Variants in TFDP2 observed in about 807,000 individuals in gnomAD.
TFDP2 encodes the protein transcription factor Dp-2.
A neutral mutation model predicts 59.3 loss-of-function variants in TFDP2; 17 were observed. The ratio of observed to expected loss-of-function variants is 0.29; its 90% CI spans 0.20 to 0.43. The LOEUF (loss-of-function observed/expected upper bound fraction) is 0.43, where lower values mean the gene tolerates loss of function less well. TFDP2 is among the 20% of genes least tolerant of loss of function. TFDP2 has a pLI of 1.00. For synonymous variants in TFDP2, 180 were observed against 194.7 expected, an observed-to-expected ratio of 0.92 and a Z score of 0.63; for missense variants, 391 against 528.8, an observed-to-expected ratio of 0.74 and a Z score of 2.56.
rs564506920 is a variant in TFDP2, at chr3:142,043,664, TCTC to T, written c.83-38123_83-38121del. ...TCCTCCTTAGACAAAGTCTTGATGA[TCTC>T]CTCCTTCTTGGCCTGCAGGCGTTCT... On this transcript the variant is annotated intron_variant, in intron 3 of 12. Transcript: ENST00000489671. 301 of 992,808 alleles carry T rather than the reference TCTC, an allele frequency of 3.0e-4. 4 individuals carry two copies. In the South Asian group the frequency reaches 3.6e-3, roughly 12 times the overall value. 61.5% of individuals were successfully genotyped at this position (992,808 alleles called of 1,614,324 possible). A position where few individuals can be genotyped will look rare whatever the true frequency, so the allele number is the denominator to read the frequency against.
In TFDP2 at chr3:142,142,683, A is replaced by G. The variant is rs140034076; in HGVS notation, c.-93+6500T>C. ...CAAAAAGAACAAAACTGGAGGAATC[A>G]CATTACCTGACTTCAATTATACTAC... is the stretch of plus-strand genomic sequence containing the variant. On this transcript the variant is annotated intron_variant, in intron 1 of 12. Coordinates refer to ENST00000489671, the MANE Select transcript of TFDP2 (RefSeq NM_001178139.2). 3.2e-3 allele frequency among the ~76,000 whole-genome samples: 481 copies of G among 152,334 alleles called. 2 individuals carry two copies. The highest frequency in any genetic ancestry group is 0.011 in the African/African-American group (456 of 41,582).
At chr3:142,135,041 G>A (rs2062670366) in intron 1 of TFDP2, among the ~76,000 whole-genome samples, 1 of 152,022 alleles carries the variant, frequency 6.6e-6, no homozygotes, top group Non-Finnish European at 1.5e-5. Context: ...TCCAGACATG[G>A]TACTCCTGCT....
intron 9 of TFDP2, among the ~76,000 whole-genome samples, chr3:141,964,309 C>T (rs1455228380): frequency 6.6e-6 from 1 of 151,962 alleles, no homozygotes; most frequent in East Asian, 1.9e-4. Flanking sequence ...GATGTGTAGC[C>T]CAGGGATATG....
rs558948951 is a variant in TFDP2 at position 142,121,525 on chromosome 3, G to C, written c.-92-19684C>G. Among the ~76,000 whole-genome samples, 20 of 152,264 alleles carry C rather than the reference G, an allele frequency of 1.3e-4. No homozygotes were observed. Among genetic ancestry groups the C allele is most frequent in the African/African-American group, 4.8e-4 (20 of 41,562 alleles). On this transcript the variant is annotated intron_variant, in intron 1 of 12. Coordinates refer to ENST00000489671, the MANE Select transcript of TFDP2 (RefSeq NM_001178139.2). This position sits in a 1 kb window ranked among gnomAD's most constrained non-coding sequence, Gnocchi z 4.3. ...ATGAGATGAAAATGCCATCAAACTA[G>C]AAGAGTTAACACAGAAACCTAAGCA...
intron 3 of TFDP2, among the ~76,000 whole-genome samples, chr3:142,008,661 G>A (rs1944403536): frequency 6.6e-6 from 1 of 151,688 alleles, no homozygotes; most frequent in Non-Finnish European, 1.5e-5. Context: ...TATGTCCCCA[G>A]AGTGTTTCAG....
rs897348623 is a variant in TFDP2 at position 142,071,891 on chromosome 3, G to T, written c.82+21170C>A. 1.3e-5 allele frequency among the ~76,000 whole-genome samples: 2 copies of T among 152,120 alleles called. 1 individual carries two copies. The highest frequency in any genetic ancestry group is 4.1e-4 in the South Asian group (2 of 4,832). Reference sequence around the variant, plus strand: ...GTGCATTAAAGTTATTCAAATGAAGGTACCCAATAGGCTGTCGGATATACA... The same window carrying T: ...GTGCATTAAAGTTATTCAAATGAAGTTACCCAATAGGCTGTCGGATATACA... On this transcript the variant is annotated intron_variant, in intron 3 of 12. Transcript: ENST00000489671.
intron 3 of TFDP2, among the ~76,000 whole-genome samples, chr3:142,075,475 T>C (rs545333320): frequency 3.3e-4 from 51 of 152,308 alleles, no homozygotes; most frequent in Non-Finnish European, 6.6e-4. Context: ...TTTAGTATCC[T>C]GCGTAGAGCA....
intron 3 of TFDP2, among the ~76,000 whole-genome samples, chr3:142,072,167 A>G: frequency 6.6e-6 from 1 of 152,206 alleles, no homozygotes; most frequent in Non-Finnish European, 1.5e-5. Flanking sequence ...CAAGCACAGA[A>G]TGAATGCTTA....
intron 8 of TFDP2, among the ~76,000 whole-genome samples, chr3:141,971,771 T>C (rs144768404): frequency 4.6e-5 from 7 of 152,324 alleles, no homozygotes; most frequent in Non-Finnish European, 1.0e-4. Flanking sequence ...TATTTTACCC[T>C]TACAAGGAAA....
intron 3 of TFDP2, among the ~76,000 whole-genome samples, chr3:142,050,275 A>G (rs1947548751): frequency 6.7e-6 from 1 of 148,618 alleles, no homozygotes; most frequent in Non-Finnish European, 1.5e-5. Context: ...AAAAAAAAAA[A>G]ATAATAAAAA....
At chr3:142,110,749 T>C (rs1219303026) in intron 1 of TFDP2, among the ~76,000 whole-genome samples, 2 of 151,656 alleles carry the variant, frequency 1.3e-5, no homozygotes, top group African/African-American at 4.8e-5. Context: ...CCTAGGAGTT[T>C]CACTCTAGCG....
intron 3 of TFDP2, among the ~76,000 whole-genome samples, chr3:142,062,306 G>T (rs1195245920): frequency 6.6e-6 from 1 of 151,306 alleles, no homozygotes; most frequent in East Asian, 1.9e-4. Flanking sequence ...ATTATACACA[G>T]ATTTTTGACT....
chr3:142,115,952 G>T (rs1455113588), intron 1 of TFDP2, among the ~76,000 whole-genome samples: 1 of 152,098 alleles, frequency 6.6e-6, no homozygotes, highest in Admixed American at 6.5e-5. Flanking sequence ...CAATTATATT[G>T]TACCAATGTC....
At chr3:142,047,140 G>C (rs79476645) in intron 3 of TFDP2, among the ~76,000 whole-genome samples, 13 of 152,276 alleles carry the variant, frequency 8.5e-5, no homozygotes, top group African/African-American at 2.9e-4. Flanking sequence ...AACGTTGAAA[G>C]ACTTCCAATA....
chr3:142,030,741 CT>C (rs56836983), intron 3 of TFDP2, among the ~76,000 whole-genome samples: 53 of 121,792 alleles, frequency 4.4e-4, no homozygotes, highest in East Asian at 2.8e-3. Context: ...CCCGTGTTCT[CT>C]TTTTTTTTTT....
At chr3:141,957,791 A>G (rs1936882005) in intron 11 of TFDP2, among the ~76,000 whole-genome samples, 1 of 152,182 alleles carries the variant, frequency 6.6e-6, no homozygotes, top group African/African-American at 2.4e-5. Flanking sequence ...CACAAAGTAG[A>G]TTAGTGGTTG....
chr3:142,036,331 A>G (rs1199799411), intron 3 of TFDP2, among the ~76,000 whole-genome samples: 1 of 152,224 alleles, frequency 6.6e-6, no homozygotes, highest in Non-Finnish European at 1.5e-5. Context: ...TTTACCTGGT[A>G]AATTAATGCT....
At chr3:142,078,117 G>A (rs2060526067) in intron 3 of TFDP2, among the ~76,000 whole-genome samples, 1 of 152,174 alleles carries the variant, frequency 6.6e-6, no homozygotes, top group Non-Finnish European at 1.5e-5. Context: ...AGAAGAGTGA[G>A]AAGGACTTTG....
intron 3 of TFDP2, among the ~76,000 whole-genome samples, chr3:142,015,999 T>C (rs913543161): frequency 6.6e-6 from 1 of 152,190 alleles, no homozygotes; most frequent in African/African-American, 2.4e-5. Context: ...ACATGTTGGA[T>C]GATGTTTTCA....
Sources: gnomAD v4.1 joint callset for allele counts (sites outside exome capture counted in the v4.1 genomes callset) on GRCh38, gnomAD v4.1.1 for gene constraint, Gnocchi (gnomAD v3.1) non-coding constraint, MANE v1.5 for transcripts, NCBI Gene and HGNC (gene_info 2026-07-23, HGNC 2026-07-21) for gene names.